The following SLCO1C1 variants were observed in gnomAD, a reference collection of about 807,000 sequenced individuals.
SLCO1C1 encodes the protein solute carrier organic anion transporter family member 1C1.
A neutral mutation model predicts 76.4 loss-of-function variants in SLCO1C1; 70 were observed. That is an observed-to-expected ratio of 0.92 (90% CI 0.76 to 1.12). SLCO1C1 has a LOEUF of 1.12. Ranked by LOEUF, SLCO1C1 falls within the 50% of genes most tolerant of loss-of-function variation. SLCO1C1 has a pLI of 0.00. For missense variants in SLCO1C1, 912 were observed against 823.8 expected (o/e 1.11, Z -1.31); for synonymous variants, 306 against 286.1 (o/e 1.07, Z -0.70).
At chr12:20,716,378 CTT>C (rs770002187) in intron 6 of SLCO1C1, among the ~76,000 whole-genome samples, 1 of 152,220 alleles carries the variant, frequency 6.6e-6, no homozygotes, top group Non-Finnish European at 1.5e-5. Flanking sequence ...GGCTTGTTCT[CTT>C]TTCCTCTGTT....
At chr12:20,732,322 T>C (rs1349042886) in intron 9 of SLCO1C1, among the ~76,000 whole-genome samples, 2 of 152,186 alleles carry the variant, frequency 1.3e-5, no homozygotes, top group African/African-American at 4.8e-5. Context: ...GAAGTGAGGC[T>C]AATAATATGC....
chr12:20,714,982 C>T (rs1947295458), intron 5 of SLCO1C1, among the ~76,000 whole-genome samples, 157 bp from the exon 6 acceptor site: 1 of 152,172 alleles, frequency 6.6e-6, no homozygotes, highest in Non-Finnish European at 1.5e-5. Context: ...AGGTATAAAA[C>T]ATTTTTAGAA....
At chr12:20,726,830 A>G (rs1377884444) in intron 9 of SLCO1C1, among the ~76,000 whole-genome samples, 3 of 152,122 alleles carry the variant, frequency 2.0e-5, no homozygotes, top group Non-Finnish European at 4.4e-5. Context: ...ATAGTACCCA[A>G]TGGGTAATTT....
rs1410704431 is a variant in SLCO1C1, at chr12:20,722,200, T to C, written c.1021+151T>C. ...TGGAAATTGATGTCAGCTTTATTACTGAACAACTGATTGCAGTACACGACC... is the reference window on the plus strand; with the variant it reads ...TGGAAATTGATGTCAGCTTTATTACCGAACAACTGATTGCAGTACACGACC... On this transcript the variant is annotated intron_variant, in intron 8 of 14. Coordinates refer to ENST00000266509, the MANE Select transcript of SLCO1C1 (RefSeq NM_017435.5). The C allele has an allele frequency of 3.7e-6, 4 of 1,088,196 alleles. No homozygotes were observed. The African/African-American group carries it at 4.8e-5, about 13-fold the overall frequency. 67.4% of individuals were successfully genotyped at this position (1,088,196 alleles called of 1,614,324 possible).
At position 20,695,508 on chromosome 12, in the gene SLCO1C1, G is replaced by T. The variant is rs1245129780; in HGVS notation, c.-325G>T. ...AGCTTCAGCTCTTTCTGTGCCCTGG[G>T]AGCTGAGATGCACGTCAGTGGCCTT... On this transcript the variant is annotated 5_prime_UTR_variant, in exon 1 of 15. Coordinates refer to ENST00000266509, the MANE Select transcript of SLCO1C1 (RefSeq NM_017435.5). The T allele has an allele frequency of 6.6e-6, 1 of 152,146 alleles. No individual in the cohort carries two copies. Among genetic ancestry groups the T allele is most frequent in the Non-Finnish European group, 1.5e-5 (1 of 68,048 alleles). 9.4% of individuals were successfully genotyped at this position (152,146 alleles called of 1,614,324 possible). A position where few individuals can be genotyped will look rare whatever the true frequency, so the allele number is the denominator to read the frequency against.
At chr12:20,713,791 G>C (rs891638882) in intron 5 of SLCO1C1, among the ~76,000 whole-genome samples, 3 of 152,180 alleles carry the variant, frequency 2.0e-5, no homozygotes, top group African/African-American at 7.2e-5. Flanking sequence ...AATATAGTTA[G>C]TGTGACAGAG....
At chr12:20,707,807 G>A (rs560843221) in intron 4 of SLCO1C1, among the ~76,000 whole-genome samples, 44 of 151,170 alleles carry the variant, frequency 2.9e-4, no homozygotes, top group South Asian at 1.9e-3. Context: ...TCGAATACCC[G>A]TATAAGAAAA....
At chr12:20,752,269 T>C (rs1286404058) in intron 14 of SLCO1C1, 37 bp from the exon 15 acceptor site, 22 of 1,358,872 alleles carry the variant, frequency 1.6e-5, no homozygotes, top group Non-Finnish European at 2.1e-5. Flanking sequence ...AAGTTGGTTG[T>C]TGCATTAATT....
chr12:20,701,440 T>G lies in SLCO1C1; in HGVS notation c.252T>G (p.Ile84Met), dbSNP rs775771069. 6.6e-7 allele frequency: 1 copy of G among 1,512,974 alleles called. No individual in the cohort carries two copies. The highest frequency in any genetic ancestry group is 1.3e-5 in the South Asian group (1 of 76,386). The allele number at this position is 1,512,974 out of a possible 1,614,324, so 93.7% of individuals were successfully genotyped here. ...FDIPSSLVGV[I>M]DGSFEIGNLL... ...TCCCTTCTTCACTGGTGGGAGTTAT[T>G]GATGGTAGTTTTGAAATTGGTAGGT... The change falls in exon 3 of 15, where the codon ATT becomes ATG. Residue 84 changes from isoleucine to methionine, a missense_variant. By Grantham distance (10) the Ile-to-Met change is conservative (BLOSUM62 1). Coordinates refer to ENST00000266509, the MANE Select transcript of SLCO1C1 (RefSeq NM_017435.5).
intron 9 of SLCO1C1, among the ~76,000 whole-genome samples, chr12:20,732,333 C>T (rs1167628700): frequency 6.6e-6 from 1 of 152,066 alleles, no homozygotes; most frequent in African/African-American, 2.4e-5. Context: ...AATAATATGC[C>T]TGCTCTTAAG....
chr12:20,707,772 T>G (rs1946853343), intron 4 of SLCO1C1, among the ~76,000 whole-genome samples: 1 of 152,128 alleles, frequency 6.6e-6, no homozygotes, highest in African/African-American at 2.4e-5. Context: ...TGAATAATTT[T>G]ATTACTTTAA....
chr12:20,744,450 TAGAA>T (rs1948950968), intron 13 of SLCO1C1, among the ~76,000 whole-genome samples: 1 of 152,032 alleles, frequency 6.6e-6, no homozygotes, highest in African/African-American at 2.4e-5. Context: ...ATATTCCTAT[TAGAA>T]AGAAAACTCC....
Position 20,701,726 on chromosome 12 carries a change from T to C in SLCO1C1, c.271+267T>C, listed in dbSNP as rs192003266. ...TCTACATCAGAGTAAGTGACTTTCT[T>C]GGAGGAAAGGGTGAGATGCTAATTG... On this transcript the variant is annotated intron_variant, in intron 3 of 14. Coordinates refer to ENST00000266509, the MANE Select transcript of SLCO1C1 (RefSeq NM_017435.5). Among the ~76,000 whole-genome samples the C allele has an allele frequency of 1.1e-3, 169 of 151,966 alleles. 1 individual carries two copies. The highest frequency in any genetic ancestry group is 0.01 in the Middle Eastern group (3 of 294).
At chr12:20,700,906 A>T (rs1830207726) in intron 2 of SLCO1C1, among the ~76,000 whole-genome samples, 1 of 152,046 alleles carries the variant, frequency 6.6e-6, no homozygotes, top group African/African-American at 2.4e-5. Flanking sequence ...ACCCTGTGAA[A>T]TACATAATCC....
chr12:20,705,857 A>G (rs533630914), intron 3 of SLCO1C1, 92 bp from the exon 4 acceptor site: 2 of 1,279,672 alleles, frequency 1.6e-6, no homozygotes, highest in Admixed American at 2.3e-5. Flanking sequence ...AAAAGAAAAC[A>G]TTGCTTGGTC....
rs763027265 is a variant in SLCO1C1, at chr12:20,753,309, T to C, written c.*781T>C. ...ATATATGTAAGCAACTTCCTACTTA[T>C]ACACGACGTGTTCCTAAAACATGTT... is the stretch of plus-strand genomic sequence containing the variant. On this transcript the variant is annotated 3_prime_UTR_variant, in exon 15 of 15. Transcript: ENST00000266509. The C allele has an allele frequency of 5.3e-5, 8 of 152,230 alleles. No individual in the cohort carries two copies. The highest frequency in any genetic ancestry group is 1.2e-4 in the Non-Finnish European group (8 of 68,044). The allele number at this position is 152,230 out of a possible 1,614,324, so 9.4% of individuals were successfully genotyped here. A position where few individuals can be genotyped will look rare whatever the true frequency, so the allele number is the denominator to read the frequency against.
intron 11 of SLCO1C1, among the ~76,000 whole-genome samples, chr12:20,739,409 T>C (rs766567068): frequency 1.3e-5 from 2 of 151,890 alleles, no homozygotes; most frequent in African/African-American, 2.4e-5. Flanking sequence ...TTTTTTTTTT[T>C]AAATGGATAG....
rs565709260 is a variant in SLCO1C1, at chr12:20,715,914, T to C, written c.676+629T>C. On this transcript the variant is annotated intron_variant, in intron 6 of 14. Coordinates refer to ENST00000266509, the MANE Select transcript of SLCO1C1 (RefSeq NM_017435.5). ...AGGCAAAGTCCTAAGGTAAGACACA[T>C]CTAAACAGCATTTATTGGTTTCCTC... Among the ~76,000 whole-genome samples the C allele has an allele frequency of 9.5e-4, 144 of 152,292 alleles. 1 individual carries two copies. The highest frequency in any genetic ancestry group is 3.6e-3 in the Admixed American group (55 of 15,298).
At chr12:20,709,457 C>T (rs1428385889) in intron 4 of SLCO1C1, among the ~76,000 whole-genome samples, 1 of 152,144 alleles carries the variant, frequency 6.6e-6, no homozygotes, top group Non-Finnish European at 1.5e-5. Context: ...CAAAATACTC[C>T]ATGATCACCA....
Sources: allele counts gnomAD v4.1 joint callset (sites outside exome capture counted in the v4.1 genomes callset), GRCh38; gene constraint gnomAD v4.1.1; transcripts MANE v1.5; gene names NCBI Gene and HGNC (gene_info 2026-07-23, HGNC 2026-07-21).